Variants in HLCS observed in about 807,000 individuals in gnomAD.
HLCS encodes holocarboxylase synthetase, also known as biotin--protein ligase.
A neutral mutation model predicts 75.0 loss-of-function variants in HLCS; 53 were observed. That is an observed-to-expected ratio of 0.71 (90% confidence interval 0.57 to 0.89). The LOEUF (loss-of-function observed/expected upper bound fraction) is 0.89, where lower values mean the gene tolerates loss of function less well. Ranked by LOEUF, HLCS falls within the 40% of genes least tolerant of loss-of-function variation. The probability of loss-of-function intolerance (pLI) is 0.00; values close to 1 mark genes in which losing one functional copy is unlikely to be tolerated. For synonymous variants in HLCS, 431 were observed against 428.6 expected, an observed-to-expected ratio of 1.01 and a Z score of -0.07; for missense variants, 966 against 1,074.0, an observed-to-expected ratio of 0.90 and a Z score of 1.41.
At chr21:36,849,221 C>T (rs2062901644) in intron 6 of HLCS, among the ~76,000 whole-genome samples, 1 of 152,208 alleles carries the variant, frequency 6.6e-6, no homozygotes, top group Non-Finnish European at 1.5e-5. Context: ...GCCACAGGTT[C>T]TCAGAAACAT....
chr21:36,849,088 A>G lies in HLCS; in HGVS notation c.1892+47772T>C, dbSNP rs182905040. ...ATGGAAATCTAATCCTAAAATAATAACGCATATATTGATATAACAGCACTG... is the reference window on the plus strand; with the variant it reads ...ATGGAAATCTAATCCTAAAATAATAGCGCATATATTGATATAACAGCACTG... On this transcript the variant is annotated intron_variant, in intron 6 of 10. Coordinates refer to ENST00000674895, the MANE Select transcript of HLCS (RefSeq NM_001352514.2). 2.8e-3 allele frequency among the ~76,000 whole-genome samples: 421 copies of G among 152,314 alleles called. 2 individuals are homozygous for G. The highest frequency in any genetic ancestry group is 9.1e-3 in the African/African-American group (379 of 41,560).
chr21:36,845,481 C>G (rs771952924), intron 6 of HLCS, among the ~76,000 whole-genome samples: 4 of 152,130 alleles, frequency 2.6e-5, no homozygotes, highest in African/African-American at 9.7e-5. Flanking sequence ...GTAAATACAA[C>G]GGCAAACTGC....
intron 1 of HLCS, among the ~76,000 whole-genome samples, chr21:36,985,486 C>A (rs148362612): frequency 2.0e-5 from 3 of 149,048 alleles, no homozygotes; most frequent in Admixed American, 1.3e-4. Flanking sequence ...TACAAAAATT[C>A]GCTGGGCACG....
At chr21:36,919,041 A>C (rs1468371548) in intron 5 of HLCS, among the ~76,000 whole-genome samples, 1 of 152,228 alleles carries the variant, frequency 6.6e-6, no homozygotes, top group Non-Finnish European at 1.5e-5. Context: ...ATGTTTTTAA[A>C]CAGAGCTCGC....
At chr21:36,989,015 ATTTTAT>A (rs2069282316) in intron 1 of HLCS, among the ~76,000 whole-genome samples, 1 of 147,374 alleles carries the variant, frequency 6.8e-6, no homozygotes, top group South Asian at 2.1e-4. Context: ...TTTCCTTTTA[ATTTTAT>A]TTTATTTTAT....
chr21:36,862,071 T>C (rs574969654), intron 6 of HLCS, among the ~76,000 whole-genome samples: 32 of 152,368 alleles, frequency 2.1e-4, no homozygotes, highest in Admixed American at 2.0e-3. Flanking sequence ...CTGACTTCTT[T>C]CATTTTAGCA....
chr21:36,856,102 C>G (rs540450996), intron 6 of HLCS, among the ~76,000 whole-genome samples: 1 of 152,058 alleles, frequency 6.6e-6, no homozygotes, highest in Admixed American at 6.6e-5. Context: ...CTAATGGGTA[C>G]AGGGTTTCTT....
chr21:36,758,650 A>G (rs1315235596), intron 9 of HLCS, among the ~76,000 whole-genome samples: 1 of 152,090 alleles, frequency 6.6e-6, no homozygotes, highest in African/African-American at 2.4e-5. Flanking sequence ...GCCCCTACCT[A>G]GGAATCTCTG....
intron 2 of HLCS, chr21:36,947,878 T>C: frequency 1.0e-6 from 1 of 985,450 alleles, no homozygotes; most frequent in South Asian, 4.7e-5. Flanking sequence ...TCACGGATGC[T>C]GCTAATTTTT....
chr21:36,843,544 A>G (rs1054012757), intron 6 of HLCS, among the ~76,000 whole-genome samples: 1 of 152,030 alleles, frequency 6.6e-6, no homozygotes, highest in Admixed American at 6.6e-5. Flanking sequence ...TAATTTGTAC[A>G]AAATTTAAAT....
At chr21:36,777,058 T>C (rs1181743520) in intron 6 of HLCS, among the ~76,000 whole-genome samples, 1 of 152,220 alleles carries the variant, frequency 6.6e-6, no homozygotes, top group Non-Finnish European at 1.5e-5. Flanking sequence ...TGGTCATTTG[T>C]TACGATTTCT....
intron 1 of HLCS, among the ~76,000 whole-genome samples, chr21:36,965,667 T>G (rs1431649572): frequency 6.6e-6 from 1 of 152,094 alleles, no homozygotes; most frequent in African/African-American, 2.4e-5. Context: ...AAAAGGGCAG[T>G]TTTTGTAAAT....
rs550636327 is a variant in HLCS, at chr21:36,926,934, C to T, written c.1620+3317G>A. ...ATTTTTGTATCTTCTGTAAAGAATA[C>T]GAAATTCTGCCAGGTTGCCCAGGCT... is the stretch of plus-strand genomic sequence containing the variant. On this transcript the variant is annotated intron_variant, in intron 5 of 10. Transcript: ENST00000674895. Among the ~76,000 whole-genome samples, 6 of 152,034 alleles carry T rather than the reference C, an allele frequency of 3.9e-5. No homozygotes were observed. The East Asian group carries it at 7.7e-4, about 20-fold the overall frequency.
intron 6 of HLCS, among the ~76,000 whole-genome samples, chr21:36,849,447 T>C (rs1456538714): frequency 6.6e-6 from 1 of 152,256 alleles, no homozygotes; most frequent in Non-Finnish European, 1.5e-5. Context: ...TGGCAGCTTT[T>C]TGCTGGGACC....
chr21:36,901,570 C>G (rs1217699858), intron 5 of HLCS, among the ~76,000 whole-genome samples: 1 of 152,188 alleles, frequency 6.6e-6, no homozygotes, highest in African/African-American at 2.4e-5. Context: ...TGGGAAGGCT[C>G]TGGGGAAACT....
chr21:36,869,269 C>T (rs1168362894), intron 6 of HLCS, among the ~76,000 whole-genome samples: 1 of 152,010 alleles, frequency 6.6e-6, no homozygotes. Context: ...GGACTACAGG[C>T]GCCCGCCACC....
chr21:36,762,780 C>T (rs2089897614), intron 8 of HLCS, among the ~76,000 whole-genome samples: 1 of 152,238 alleles, frequency 6.6e-6, no homozygotes, highest in Admixed American at 6.5e-5. Flanking sequence ...ACCCCGTTCA[C>T]CGCTGAAGGC....
rs151185072 is a variant in HLCS at position 36,827,676 on chromosome 21, G to A, written c.1893-60391C>T. On this transcript the variant is annotated intron_variant, in intron 6 of 10. Transcript: ENST00000674895. ...ACAGCAGAAGGAAACTCAGTTCTCC[G>A]GGGGCAATACTTCTCACTTACAACT... Among the ~76,000 whole-genome samples, 40 of 151,864 alleles carry A rather than the reference G, an allele frequency of 2.6e-4. 1 individual carries two copies. Among genetic ancestry groups the A allele is most frequent in the Non-Finnish European group, 1.2e-4 (8 of 67,974 alleles).
At position 36,821,906 on chromosome 21, in the gene HLCS, G is replaced by A. The variant is rs376233809; in HGVS notation, c.1893-54621C>T. 5.9e-5 allele frequency among the ~76,000 whole-genome samples: 9 copies of A among 152,000 alleles called. No homozygotes were observed. The East Asian group carries it at 1.5e-3, about 26-fold the overall frequency. On this transcript the variant is annotated intron_variant, in intron 6 of 10. Transcript: ENST00000674895. ...GGGAGGGAAGGAAAGAGAAGAAGAC[G>A]GGAGGGGAGAGGAAAGAGGGAAGAA...
Sources: gnomAD v4.1 joint callset for allele counts (sites outside exome capture counted in the v4.1 genomes callset) on GRCh38, gnomAD v4.1.1 for gene constraint, MANE v1.5 for transcripts, NCBI Gene and HGNC (gene_info 2026-07-23, HGNC 2026-07-21) for gene names.